GNB1: variants seen among roughly 807,000 people sequenced by gnomAD.
The protein encoded by GNB1 is guanine nucleotide-binding protein G(I)/G(S)/G(T) subunit beta-1.
Under a neutral mutation model 42.9 loss-of-function variants are expected in GNB1, and 2 were observed. The ratio of observed to expected loss-of-function variants is 0.05; its 90% confidence interval spans 0.02 to 0.15. The LOEUF is 0.15. Ranked by LOEUF, GNB1 falls within the 10% of genes least tolerant of loss-of-function variation. GNB1 has a pLI of 1.00. For missense variants in GNB1, 193 were observed against 462.2 expected (o/e 0.42, Z 5.34); for synonymous variants, 183 against 174.7 (o/e 1.05, Z -0.38).
Position 1,795,569 on chromosome 1 carries a change from G to A in GNB1, c.431-2258C>T, listed in dbSNP as rs538958834. On this transcript the variant is annotated intron_variant, in intron 7 of 11. Coordinates refer to ENST00000378609, the MANE Select transcript of GNB1 (RefSeq NM_002074.5). ...TTGAGACCAGCCTGGCCAACATGGTGAAACCCCGTCTCTACTAAAAATATA... is the reference window on the plus strand; with the variant it reads ...TTGAGACCAGCCTGGCCAACATGGTAAAACCCCGTCTCTACTAAAAATATA... 3.3e-5 allele frequency among the ~76,000 whole-genome samples: 5 copies of A among 152,236 alleles called. No individual in the cohort carries two copies. In the South Asian group the frequency reaches 6.2e-4, roughly 19 times the overall value.
At chr1:1,845,331 T>G (rs1647575550) in intron 1 of GNB1, among the ~76,000 whole-genome samples, 1 of 152,178 alleles carries the variant, frequency 6.6e-6, no homozygotes, top group African/African-American at 2.4e-5. Context: ...CCCAGCACTT[T>G]GGGAGGCCAA....
intron 1 of GNB1, among the ~76,000 whole-genome samples, chr1:1,868,769 G>A (rs1344480021): frequency 6.6e-6 from 1 of 151,780 alleles, no homozygotes; most frequent in Non-Finnish European, 1.5e-5. Context: ...GACAGAGTGA[G>A]ACTCCATCTC....
At chr1:1,875,584 T>C (rs920141145) in intron 1 of GNB1, among the ~76,000 whole-genome samples, 4 of 152,088 alleles carry the variant, frequency 2.6e-5, no homozygotes, top group African/African-American at 7.2e-5. Context: ...TCATAGCTCA[T>C]TGCAGCCTCA....
chr1:1,817,640 G>C, intron 4 of GNB1, 197 bp downstream of exon 4: 1 of 481,124 alleles, frequency 2.1e-6, no homozygotes, highest in Non-Finnish European at 3.8e-6. Flanking sequence ...CAAGGCTTGA[G>C]ATATCTCATT....
intron 7 of GNB1, among the ~76,000 whole-genome samples, chr1:1,796,449 C>A (rs1646547361): frequency 6.6e-6 from 1 of 152,230 alleles, no homozygotes; most frequent in Non-Finnish European, 1.5e-5. Context: ...CCTCTAAGTT[C>A]TTTTAGAAGT....
At chr1:1,812,015 G>A (rs1237819074) in intron 5 of GNB1, among the ~76,000 whole-genome samples, 2 of 151,618 alleles carry the variant, frequency 1.3e-5, no homozygotes, top group African/African-American at 2.4e-5. Context: ...GCAGTGAGCC[G>A]AGATCGCACC....
At chr1:1,820,248 T>G (rs1007790516) in intron 3 of GNB1, among the ~76,000 whole-genome samples, 3 of 150,942 alleles carry the variant, frequency 2.0e-5, no homozygotes, top group Non-Finnish European at 4.4e-5. Flanking sequence ...TCGTAACTAT[T>G]TGGGGAGGCT....
At chr1:1,834,732 G>T (rs763454081) in intron 2 of GNB1, among the ~76,000 whole-genome samples, 1 of 149,296 alleles carries the variant, frequency 6.7e-6, no homozygotes, top group Non-Finnish European at 1.5e-5. Flanking sequence ...GCAGTGGTGC[G>T]ATCTCGGCTC....
rs564393321 is a variant in GNB1 at position 1,871,361 on chromosome 1, G to C, written c.-96+19459C>G. Reference sequence around the variant, plus strand: ...TATAATCTCAGCTACTCAAGAGGCTGAGGCAGGAGTATTGCTTGAACGTAG... The same window carrying C: ...TATAATCTCAGCTACTCAAGAGGCTCAGGCAGGAGTATTGCTTGAACGTAG... On this transcript the variant is annotated intron_variant, in intron 1 of 11. Transcript: ENST00000378609. Among the ~76,000 whole-genome samples, 6 of 152,276 alleles carry C rather than the reference G, an allele frequency of 3.9e-5. No individual in the cohort carries two copies. The South Asian group carries it at 1.2e-3, about 32-fold the overall frequency.
intron 8 of GNB1, among the ~76,000 whole-genome samples, chr1:1,792,086 A>T (rs1646487980): frequency 6.6e-6 from 1 of 152,166 alleles, no homozygotes; most frequent in African/African-American, 2.4e-5. Context: ...GGCCAGCTGA[A>T]GTCTAAAATG....
chr1:1,854,485 G>A (rs1330153244), intron 1 of GNB1, among the ~76,000 whole-genome samples: 1 of 152,068 alleles, frequency 6.6e-6, no homozygotes, highest in African/African-American at 2.4e-5. Flanking sequence ...AAAAAGCTCA[G>A]TCATAAAAAA....
intron 2 of GNB1, chr1:1,832,200 G>T (rs946239336): frequency 3.9e-5 from 6 of 151,976 alleles, no homozygotes; most frequent in African/African-American, 1.4e-4. Context: ...GAAAATTAAA[G>T]AATAAATGTA....
intron 7 of GNB1, among the ~76,000 whole-genome samples, chr1:1,796,207 G>C (rs141226570): frequency 6.6e-6 from 1 of 152,206 alleles, no homozygotes; most frequent in Non-Finnish European, 1.5e-5. Flanking sequence ...AGGTTGGGGG[G>C]TGAGGTGTGT....
intron 1 of GNB1, among the ~76,000 whole-genome samples, chr1:1,887,498 C>A (rs910118352): frequency 6.6e-6 from 1 of 152,234 alleles, no homozygotes; most frequent in African/African-American, 2.4e-5. Context: ...GGTACTTTTG[C>A]AGGATAGTAC....
intron 3 of GNB1, 71 bp from the exon 4 acceptor site, chr1:1,817,946 A>C (rs1195196754): frequency 8.6e-7 from 1 of 1,163,280 alleles, no homozygotes; most frequent in African/African-American, 1.5e-5. Context: ...CACATACCAA[A>C]GTTTCAAAGA....
chr1:1,836,721 T>C (rs1418520562), intron 2 of GNB1, among the ~76,000 whole-genome samples: 3 of 152,160 alleles, frequency 2.0e-5, no homozygotes, highest in African/African-American at 4.8e-5. Context: ...TAGCTAATTT[T>C]TGTATTTTTA....
At chr1:1,795,479 A>G (rs1025998622) in intron 7 of GNB1, among the ~76,000 whole-genome samples, 2 of 152,002 alleles carry the variant, frequency 1.3e-5, no homozygotes, top group African/African-American at 4.8e-5. Context: ...AAGAATCATG[A>G]CCTTGGCTGG....
chr1:1,807,231 G>A (rs114125899), intron 5 of GNB1, among the ~76,000 whole-genome samples: 1,660 of 152,044 alleles, frequency 0.011, 34 homozygotes, highest in South Asian at 0.06. Flanking sequence ...GGAGGCCAAG[G>A]TAGGTGGATC....
chr1:1,844,839 T>C (rs1460421260), intron 1 of GNB1, among the ~76,000 whole-genome samples: 4 of 152,192 alleles, frequency 2.6e-5, no homozygotes, highest in African/African-American at 9.7e-5. Flanking sequence ...ACATGTAACA[T>C]ACTCACTGCA....
Sources: gnomAD v4.1 joint callset for allele counts (sites outside exome capture counted in the v4.1 genomes callset) on GRCh38, gnomAD v4.1.1 for gene constraint, MANE v1.5 for transcripts, NCBI Gene and HGNC (gene_info 2026-07-23, HGNC 2026-07-21) for gene names.